Variants in SCMH1 observed in about 807,000 individuals in gnomAD.
SCMH1 encodes the protein Scm polycomb group protein homolog 1.
Under a neutral mutation model 70.8 loss-of-function variants are expected in SCMH1, and 37 were observed. That is an observed-to-expected ratio of 0.52 (90% CI 0.40 to 0.69). The LOEUF (loss-of-function observed/expected upper bound fraction) is 0.69. Among genes scored for constraint, SCMH1 ranks in the 30% least tolerant of loss-of-function variants. The pLI, the probability that SCMH1 is intolerant of heterozygous loss-of-function variation, is 0.00. For synonymous variants in SCMH1, 292 were observed against 307.4 expected (o/e 0.95, Z 0.52); for missense variants, 607 against 827.3 (o/e 0.73, Z 3.27).
chr1:41,084,362 A>C (rs1192648513), intron 8 of SCMH1, among the ~76,000 whole-genome samples: 7 of 152,242 alleles, frequency 4.6e-5, no homozygotes, highest in Non-Finnish European at 1.5e-5. Context: ...TGCAGCCAAA[A>C]AATACATGAA....
intron 8 of SCMH1, among the ~76,000 whole-genome samples, chr1:41,085,566 A>C (rs1661362449): frequency 6.6e-6 from 1 of 152,228 alleles, no homozygotes; most frequent in African/African-American, 2.4e-5. Flanking sequence ...TGGAAAAGAT[A>C]AAGTAAAACA....
intron 6 of SCMH1, among the ~76,000 whole-genome samples, chr1:41,117,240 T>C (rs1261443758): frequency 5.3e-5 from 8 of 152,104 alleles, no homozygotes; most frequent in Non-Finnish European, 1.0e-4. Flanking sequence ...TCCAATATTA[T>C]AATAATCCTC....
chr1:41,070,600 G>A, exon 10 of SCMH1: 1 of 1,614,082 alleles, frequency 6.2e-7, no homozygotes, highest in Non-Finnish European at 8.5e-7. Flanking sequence ...CTTACCTGTT[G>A]GGGCCTGCAT....
chr1:41,098,813 G>A (rs1665815083), intron 8 of SCMH1: 1 of 123,258 alleles, frequency 8.1e-6, no homozygotes, highest in Non-Finnish European at 1.6e-5. Flanking sequence ...TCACCAACCT[G>A]GCAGCCCAAG....
intron 12 of SCMH1, among the ~76,000 whole-genome samples, chr1:41,042,324 C>G (rs906943109): frequency 2.6e-5 from 4 of 151,938 alleles, no homozygotes; most frequent in Non-Finnish European, 5.9e-5. Flanking sequence ...TCTCAGCTCA[C>G]TGCAACCTCC....
intron 6 of SCMH1, among the ~76,000 whole-genome samples, chr1:41,130,426 C>T (rs1479510065): frequency 6.6e-6 from 1 of 151,918 alleles, no homozygotes; most frequent in Non-Finnish European, 1.5e-5. Flanking sequence ...GTTGCCTGTG[C>T]TTTTGGTGTC....
intron 12 of SCMH1, among the ~76,000 whole-genome samples, chr1:41,040,977 C>T: frequency 6.6e-6 from 1 of 152,116 alleles, no homozygotes; most frequent in East Asian, 1.9e-4. Flanking sequence ...ATAGAGAGAA[C>T]CTGTCATCAG....
intron 1 of SCMH1, among the ~76,000 whole-genome samples, chr1:41,211,059 C>T (rs1435899835): frequency 6.6e-6 from 1 of 152,126 alleles, no homozygotes; most frequent in Non-Finnish European, 1.5e-5. Flanking sequence ...CCACCTGCCT[C>T]GGCCTCCCAA....
chr1:41,057,386 C>T (rs1452578711), intron 10 of SCMH1, among the ~76,000 whole-genome samples: 1 of 152,106 alleles, frequency 6.6e-6, no homozygotes, highest in East Asian at 1.9e-4. Flanking sequence ...CTGCCTCAGC[C>T]TCCACCACCA....
chr1:41,183,006 C>T (rs575935641), intron 2 of SCMH1, among the ~76,000 whole-genome samples: 2 of 152,236 alleles, frequency 1.3e-5, no homozygotes, highest in Admixed American at 1.3e-4. Context: ...AGAATAATGG[C>T]CATGTTTCAG....
At chr1:41,185,857 T>A (rs1650059778) in intron 2 of SCMH1, 1 of 248,978 alleles carries the variant, frequency 4.0e-6, no homozygotes, top group Non-Finnish European at 7.9e-6. Flanking sequence ...ACTCCTGACT[T>A]CAGGTGATCC....
chr1:41,122,552 T>C (rs1377770264), intron 6 of SCMH1, among the ~76,000 whole-genome samples: 3 of 152,186 alleles, frequency 2.0e-5, no homozygotes, highest in African/African-American at 4.8e-5. Flanking sequence ...CCTCCATTTA[T>C]TAAATGGGTG....
intron 10 of SCMH1, among the ~76,000 whole-genome samples, chr1:41,054,618 C>G (rs1649554459): frequency 6.6e-6 from 1 of 152,154 alleles, no homozygotes; most frequent in Non-Finnish European, 1.5e-5. Flanking sequence ...CTCACAGATT[C>G]TTTGCCTTAA....
intron 8 of SCMH1, among the ~76,000 whole-genome samples, chr1:41,101,002 C>A (rs1394272563): frequency 2.6e-5 from 4 of 150,992 alleles, no homozygotes; most frequent in Non-Finnish European, 4.4e-5. Flanking sequence ...AAAGTCAAAG[C>A]TGAACCTGGG....
chr1:41,201,722 G>T (rs1009940460), intron 1 of SCMH1, among the ~76,000 whole-genome samples: 9 of 152,144 alleles, frequency 5.9e-5, no homozygotes, highest in Non-Finnish European at 1.2e-4. Context: ...CTTCTCTAGC[G>T]AAGTGACTTA....
At chr1:41,085,381 T>C (rs1178270760) in intron 8 of SCMH1, among the ~76,000 whole-genome samples, 3 of 152,106 alleles carry the variant, frequency 2.0e-5, no homozygotes, top group Non-Finnish European at 4.4e-5. Flanking sequence ...AACATGATAA[T>C]ACATATATGC....
intron 9 of SCMH1, among the ~76,000 whole-genome samples, chr1:41,073,409 CT>C (rs1160381979): frequency 6.6e-6 from 1 of 152,206 alleles, no homozygotes; most frequent in Non-Finnish European, 1.5e-5. Context: ...CATGGCTTCT[CT>C]GGCCTTGGCA....
rs187125944 is a variant in SCMH1 at position 41,218,913 on chromosome 1, A to G, written c.-118+23146T>C. ...CCCTGGAATTTTCCAAGTGATATAA[A>G]TATCTTTGTTATTCATAAGCCCCTG... On this transcript the variant is annotated intron_variant, in intron 1 of 14. Coordinates refer to ENST00000337495, the Ensembl canonical transcript of SCMH1. Among the ~76,000 whole-genome samples the G allele has an allele frequency of 1.7e-3, 259 of 152,254 alleles. 8 individuals carry two copies. Among genetic ancestry groups the G allele is most frequent in the Admixed American group, 0.017 (257 of 15,296 alleles).
chr1:41,121,690 T>C (rs1193319811), intron 6 of SCMH1, among the ~76,000 whole-genome samples: 1 of 152,170 alleles, frequency 6.6e-6, no homozygotes, highest in Non-Finnish European at 1.5e-5. Context: ...GGTTTCATGT[T>C]CATATATCCA....
Sources: allele counts gnomAD v4.1 joint callset (sites outside exome capture counted in the v4.1 genomes callset), GRCh38; gene constraint gnomAD v4.1.1; transcripts MANE v1.5; gene names NCBI Gene and HGNC (gene_info 2026-07-23, HGNC 2026-07-21).